Variants in MRPL48 observed in about 807,000 individuals in gnomAD.
The protein encoded by MRPL48 is large ribosomal subunit protein mL48.
In MRPL48, 16 loss-of-function variants were observed where a neutral mutation model predicts 32.9. That is an observed-to-expected ratio of 0.49 (90% CI 0.33 to 0.74). MRPL48 has a LOEUF of 0.74. Ranked by LOEUF, MRPL48 falls within the 30% of genes least tolerant of loss-of-function variation. The pLI is 0.02. For synonymous variants in MRPL48, 94 were observed against 89.2 expected (o/e 1.05, Z -0.31); for missense variants, 206 against 245.3 (o/e 0.84, Z 1.07).
At chr11:73,863,721 T>G (rs1383539027) in intron 7 of MRPL48, among the ~76,000 whole-genome samples, 1 of 152,208 alleles carries the variant, frequency 6.6e-6, no homozygotes, top group Non-Finnish European at 1.5e-5. Context: ...CATGGAAAAC[T>G]TGGAGAACAT....
At chr11:73,809,137 T>G (rs1947519569) in intron 3 of MRPL48, among the ~76,000 whole-genome samples, 1 of 151,816 alleles carries the variant, frequency 6.6e-6, no homozygotes, top group Non-Finnish European at 1.5e-5. Flanking sequence ...TCCTGTCTCT[T>G]AAATTAAAAA....
chr11:73,848,005 A>G (rs571034302), intron 5 of MRPL48, among the ~76,000 whole-genome samples: 3 of 152,302 alleles, frequency 2.0e-5, no homozygotes, highest in African/African-American at 7.2e-5. Flanking sequence ...CAGTTTATCA[A>G]TCTTTTTCTC....
At chr11:73,848,689 C>T (rs921997900) in intron 5 of MRPL48, among the ~76,000 whole-genome samples, 1 of 152,120 alleles carries the variant, frequency 6.6e-6, no homozygotes, top group Non-Finnish European at 1.5e-5. Context: ...GTAACATTTA[C>T]TCCCTACCTA....
At chr11:73,855,111 T>G (rs1179147488) in intron 5 of MRPL48, among the ~76,000 whole-genome samples, 1 of 152,174 alleles carries the variant, frequency 6.6e-6, no homozygotes, top group Non-Finnish European at 1.5e-5. Context: ...CTATTATTAT[T>G]ATTATAGAAG....
intron 3 of MRPL48, among the ~76,000 whole-genome samples, chr11:73,820,815 T>TCC (rs149591437): frequency 2.0e-5 from 3 of 151,892 alleles, no homozygotes; most frequent in South Asian, 2.1e-4. Flanking sequence ...TCTAGCTACT[T>TCC]CCCCCCCACT....
chr11:73,834,542 T>TTG (rs1220436005), intron 4 of MRPL48, among the ~76,000 whole-genome samples: 1 of 150,256 alleles, frequency 6.7e-6, no homozygotes, highest in Non-Finnish European at 1.5e-5. Context: ...TTTTTTTTGT[T>TTG]TTTTTTTTTG....
rs71469471 is a variant in MRPL48 at position 73,790,880 on chromosome 11, CTTTTTTTTTTTT to C, written c.21+2900_21+2911del. 5.8e-5 allele frequency among the ~76,000 whole-genome samples: 5 copies of C among 86,408 alleles called. No individual in the cohort carries two copies. The Admixed American group carries it at 6.9e-4, about 12-fold the overall frequency. 56.7% of individuals were successfully genotyped at this position (86,408 alleles called of 152,430 possible). A position where few individuals can be genotyped will look rare whatever the true frequency, so the allele number is the denominator to read the frequency against. ...CTAAGATCCCACTGCCTTTTCTGTT[CTTTTTTTTTTTT>C]TTTTTTTTTTTGAGACAGGGTCTCA... On this transcript the variant is annotated intron_variant, in intron 1 of 7. Transcript: ENST00000310614.
chr11:73,795,315 C>T (rs771184773), intron 1 of MRPL48, among the ~76,000 whole-genome samples: 10 of 151,748 alleles, frequency 6.6e-5, no homozygotes, highest in South Asian at 2.1e-4. Flanking sequence ...CACCTGCCTC[C>T]GCCTCCCAAA....
At chr11:73,798,757 T>C (rs1483680432) in intron 1 of MRPL48, among the ~76,000 whole-genome samples, 1 of 151,894 alleles carries the variant, frequency 6.6e-6, no homozygotes, top group Non-Finnish European at 1.5e-5. Flanking sequence ...TTTGGGAGGC[T>C]GAGGTGGGCG....
intron 2 of MRPL48, among the ~76,000 whole-genome samples, chr11:73,805,672 T>TTA (rs1947437130): frequency 2.0e-5 from 3 of 149,892 alleles, no homozygotes; most frequent in African/African-American, 7.4e-5. Context: ...TTTTTTTTTT[T>TTA]AATTGAGGCA....
At position 73,807,826 on chromosome 11, in the gene MRPL48, A is replaced by G. The variant is rs189728353; in HGVS notation, c.75-487A>G. Among the ~76,000 whole-genome samples the G allele has an allele frequency of 1.8e-3, 277 of 151,994 alleles. 3 individuals are homozygous for G. The highest frequency in any genetic ancestry group is 6.8e-3 in the Middle Eastern group (2 of 294). On this transcript the variant is annotated intron_variant, in intron 2 of 7. Transcript: ENST00000310614. ...GTAATTTTTTGTATTTTTAGTAGAG[A>G]CGGGGTTTCGCCATATTGGGCAGGC...
At chr11:73,858,609 A>G (rs1180804871) in intron 5 of MRPL48, among the ~76,000 whole-genome samples, 2 of 152,228 alleles carry the variant, frequency 1.3e-5, no homozygotes, top group African/African-American at 4.8e-5. Context: ...AGGTCCACCT[A>G]TAGAGGGCCA....
At chr11:73,838,019 T>A (rs1948133216) in intron 4 of MRPL48, among the ~76,000 whole-genome samples, 1 of 152,114 alleles carries the variant, frequency 6.6e-6, no homozygotes. Flanking sequence ...GCCTGGCTAA[T>A]TTTTTTGTAT....
At chr11:73,795,059 C>T (rs373924268) in intron 1 of MRPL48, among the ~76,000 whole-genome samples, 53 of 151,592 alleles carry the variant, frequency 3.5e-4, no homozygotes, top group African/African-American at 1.3e-3. Context: ...CTACAGGCAC[C>T]CACCACCACA....
chr11:73,788,482 T>C (rs1947089718), intron 1 of MRPL48, among the ~76,000 whole-genome samples: 5 of 146,974 alleles, frequency 3.4e-5, no homozygotes, highest in Admixed American at 3.4e-4. Context: ...CTTTTTTTTT[T>C]TTTTTTTTTT....
intron 1 of MRPL48, among the ~76,000 whole-genome samples, chr11:73,797,642 C>G (rs568362360): frequency 9.4e-4 from 143 of 152,370 alleles, no homozygotes; most frequent in African/African-American, 3.3e-3. Context: ...CAGCAGCCGG[C>G]ATGTCTGACT....
chr11:73,844,478 A>G (rs1231381857), intron 4 of MRPL48, among the ~76,000 whole-genome samples: 1 of 152,174 alleles, frequency 6.6e-6, no homozygotes, highest in Non-Finnish European at 1.5e-5. Context: ...TTGGTTTACA[A>G]ATTGAGTAAT....
intron 6 of MRPL48, among the ~76,000 whole-genome samples, chr11:73,861,344 C>T (rs140683905): frequency 1.1e-4 from 16 of 152,004 alleles, no homozygotes; most frequent in African/African-American, 3.6e-4. Flanking sequence ...TCCAGCCACA[C>T]GTGGAGCTAG....
chr11:73,840,691 G>A (rs568600354), intron 4 of MRPL48, among the ~76,000 whole-genome samples: 42 of 152,134 alleles, frequency 2.8e-4, no homozygotes, highest in African/African-American at 6.3e-4. Context: ...GTAGAGGCGC[G>A]GTTTCACCAT....
Sources: gnomAD v4.1 joint callset for allele counts (sites outside exome capture counted in the v4.1 genomes callset) on GRCh38, gnomAD v4.1.1 for gene constraint, MANE v1.5 for transcripts, NCBI Gene and HGNC (gene_info 2026-07-23, HGNC 2026-07-21) for gene names.